GRIK4: variants seen among roughly 807,000 people sequenced by gnomAD.
GRIK4 encodes the protein glutamate ionotropic receptor kainate type subunit 4, also known as glutamate receptor ionotropic, kainate 4.
GRIK4 carries 40 observed loss-of-function variants against 104.9 expected under a neutral mutation model. The ratio of observed to expected loss-of-function variants is 0.38; its 90% CI spans 0.30 to 0.50. The LOEUF (loss-of-function observed/expected upper bound fraction) is 0.50, where lower values mean the gene tolerates loss of function less well. Among genes scored for constraint, GRIK4 ranks in the 20% least tolerant of loss-of-function variants. The pLI is 0.93. For missense variants in GRIK4, 1,047 were observed against 1,308.1 expected (o/e 0.80, Z 3.08); for synonymous variants, 485 against 524.9 (o/e 0.92, Z 1.04).
chr11:120,641,248 G>T (rs1591761709), intron 1 of GRIK4, among the ~76,000 whole-genome samples: 1 of 152,104 alleles, frequency 6.6e-6, no homozygotes. Context: ...TTTCAATTTG[G>T]TATGCTAAAA....
At chr11:120,889,618 T>TTTTTTTTC (rs1955224014) in intron 11 of GRIK4, among the ~76,000 whole-genome samples, 1 of 139,100 alleles carries the variant, frequency 7.2e-6, no homozygotes, top group Non-Finnish European at 1.5e-5. Context: ...TTTTTTTTTT[T>TTTTTTTTC]TATGAGATGG....
At chr11:120,716,010 G>A (rs1050801934) in intron 3 of GRIK4, among the ~76,000 whole-genome samples, 2 of 152,166 alleles carry the variant, frequency 1.3e-5, no homozygotes, top group Non-Finnish European at 2.9e-5. Flanking sequence ...AACTGGGCAT[G>A]TGGGCAGTGG....
intron 1 of GRIK4, among the ~76,000 whole-genome samples, chr11:120,607,384 C>G (rs1373182592): frequency 6.6e-6 from 1 of 152,036 alleles, no homozygotes; most frequent in East Asian, 1.9e-4. Flanking sequence ...TGCAGGAGGC[C>G]GGGAGAAGGC....
intron 19 of GRIK4, among the ~76,000 whole-genome samples, chr11:120,974,100 A>G (rs772498216): frequency 2.6e-5 from 4 of 151,882 alleles, no homozygotes; most frequent in Non-Finnish European, 4.4e-5. Context: ...TAGAGATGGG[A>G]TATCACCATG....
chr11:120,707,728 A>T (rs140333120), intron 3 of GRIK4, among the ~76,000 whole-genome samples: 1 of 152,190 alleles, frequency 6.6e-6, no homozygotes, highest in African/African-American at 2.4e-5. Context: ...AGGGAGCTGG[A>T]GGACCCAAGA....
At chr11:120,632,142 C>G (rs1321136612) in intron 1 of GRIK4, among the ~76,000 whole-genome samples, 1 of 152,078 alleles carries the variant, frequency 6.6e-6, no homozygotes, top group Non-Finnish European at 1.5e-5. Flanking sequence ...GCGTGGAGGC[C>G]TCATGAATGG....
chr11:120,668,612 C>T (rs1245900475), intron 3 of GRIK4, among the ~76,000 whole-genome samples: 1 of 152,136 alleles, frequency 6.6e-6, no homozygotes, highest in African/African-American at 2.4e-5. Context: ...GTCTCTTCCA[C>T]CTGGACTCAC....
intron 1 of GRIK4, among the ~76,000 whole-genome samples, chr11:120,593,669 C>T (rs766099400): frequency 6.6e-6 from 1 of 152,192 alleles, no homozygotes; most frequent in Non-Finnish European, 1.5e-5. Flanking sequence ...ACAGTGATGA[C>T]CTCCAACTTT....
At chr11:120,834,344 T>C (rs1465189856) in intron 7 of GRIK4, among the ~76,000 whole-genome samples, 3 of 151,546 alleles carry the variant, frequency 2.0e-5, no homozygotes, top group Non-Finnish European at 4.4e-5. Flanking sequence ...TAGTGATCAT[T>C]ATTAGCAAAT....
At chr11:120,911,541 A>C (rs1417882686) in intron 13 of GRIK4, among the ~76,000 whole-genome samples, 2 of 144,434 alleles carry the variant, frequency 1.4e-5, no homozygotes, top group Non-Finnish European at 3.0e-5. Flanking sequence ...CCGGCCCAAA[A>C]TTCTCTTTAA....
At chr11:120,847,233 TCTC>T (rs1345074568) in intron 8 of GRIK4, among the ~76,000 whole-genome samples, 1 of 151,826 alleles carries the variant, frequency 6.6e-6, no homozygotes, top group Non-Finnish European at 1.5e-5. Context: ...AGAGAGGAGG[TCTC>T]CTCACTCACA....
chr11:120,815,312 G>C (rs1362061022), intron 4 of GRIK4, 66 bp from the exon 5 acceptor site: 6 of 886,076 alleles, frequency 6.8e-6, no homozygotes, highest in Middle Eastern at 3.2e-4. Context: ...GAGAGGACTG[G>C]GCCATGGCGC....
intron 1 of GRIK4, among the ~76,000 whole-genome samples, chr11:120,570,848 GAATA>G (rs930866837): frequency 7.4e-6 from 1 of 135,788 alleles, no homozygotes; most frequent in African/African-American, 2.4e-5. Flanking sequence ...TTAGTTAAAT[GAATA>G]GTCAGAATTT....
rs1391987037 is a variant in GRIK4, at chr11:120,905,509, G to T, written c.1476+16G>T. On this transcript the variant is annotated intron_variant, in intron 13 of 20. Transcript: ENST00000527524. The surrounding 1 kb of genome is among the most constrained non-coding windows in gnomAD (Gnocchi z 5.1). ...GATCGCTAGGGTAAGGAGAGGACAA[G>T]TGATCTGGGCCTGAGGGTGGGCTGG... 8.2e-6 allele frequency: 7 copies of T among 852,418 alleles called. No homozygotes were observed. Among genetic ancestry groups the T allele is most frequent in the Non-Finnish European group, 1.3e-5 (7 of 557,722 alleles). The allele number at this position is 852,418 out of a possible 1,614,324, so 52.8% of individuals were successfully genotyped here. A position where few individuals can be genotyped will look rare whatever the true frequency, so the allele number is the denominator to read the frequency against.
At chr11:120,581,634 A>G (rs181815787) in intron 1 of GRIK4, among the ~76,000 whole-genome samples, 8 of 152,142 alleles carry the variant, frequency 5.3e-5, no homozygotes, top group Admixed American at 5.2e-4. Flanking sequence ...TACTCTAGAT[A>G]CCTCATGTAA....
intron 1 of GRIK4, among the ~76,000 whole-genome samples, chr11:120,586,120 C>T (rs1320718): frequency 0.77 from 116,586 of 151,984 alleles, 44,926 homozygotes; most frequent in Admixed American, 0.83. Flanking sequence ...CACTTGGACA[C>T]GTGTTGAATA....
chr11:120,956,159 C>T lies in GRIK4; in HGVS notation c.1701-621C>T, dbSNP rs1353096542. Reference sequence around the variant, plus strand: ...GTGACAGAACAAGCGGCTTCCCAGGCTGTCCACCTCTTGACACTCCTAGCC... The same window carrying T: ...GTGACAGAACAAGCGGCTTCCCAGGTTGTCCACCTCTTGACACTCCTAGCC... On this transcript the variant is annotated intron_variant, in intron 15 of 20. Coordinates refer to ENST00000527524, the MANE Select transcript of GRIK4 (RefSeq NM_014619.5). This position sits in a 1 kb window ranked among gnomAD's most constrained non-coding sequence, Gnocchi z 4.6. 6.6e-6 allele frequency among the ~76,000 whole-genome samples: 1 copy of T among 151,854 alleles called. No homozygotes were observed.
At chr11:120,974,358 G>A (rs1944526520) in intron 19 of GRIK4, among the ~76,000 whole-genome samples, 2 of 152,174 alleles carry the variant, frequency 1.3e-5, no homozygotes, top group Non-Finnish European at 2.9e-5. Context: ...TTTCACGTGT[G>A]CCTAAAGGAA....
chr11:120,925,906 G>A (rs1462292945), intron 13 of GRIK4, among the ~76,000 whole-genome samples: 1 of 151,504 alleles, frequency 6.6e-6, no homozygotes, highest in East Asian at 1.9e-4. Flanking sequence ...CCCAGGAGGT[G>A]GAGGTTTCAG....
Sources: allele counts gnomAD v4.1 joint callset (sites outside exome capture counted in the v4.1 genomes callset), GRCh38; gene constraint gnomAD v4.1.1; non-coding constraint Gnocchi (gnomAD v3.1); transcripts MANE v1.5; gene names NCBI Gene and HGNC (gene_info 2026-07-23, HGNC 2026-07-21).